Variants in ABCC4 observed in about 807,000 individuals in gnomAD.
The protein encoded by ABCC4 is ATP-binding cassette sub-family C member 4.
A neutral mutation model predicts 168.5 loss-of-function variants in ABCC4; 102 were observed. That is an observed-to-expected ratio of 0.61 (90% CI 0.52 to 0.71). The LOEUF is 0.71. Ranked by LOEUF, ABCC4 falls within the 30% of genes least tolerant of loss-of-function variation. The pLI, the probability that ABCC4 is intolerant of heterozygous loss-of-function variation, is 0.00. For missense variants in ABCC4, 1,402 were observed against 1,605.8 expected (o/e 0.87, Z 2.17); for synonymous variants, 617 against 590.7 (o/e 1.04, Z -0.65).
chr13:95,186,677 T>C (rs1289414063), intron 11 of ABCC4, 24 bp downstream of exon 11: 1 of 1,603,152 alleles, frequency 6.2e-7, no homozygotes, highest in Non-Finnish European at 8.5e-7. Context: ...TTCGAGTACA[T>C]GAAATCCAAA....
At chr13:95,262,681 G>A (rs969922343) in intron 1 of ABCC4, among the ~76,000 whole-genome samples, 1 of 150,484 alleles carries the variant, frequency 6.6e-6, no homozygotes, top group Non-Finnish European at 1.5e-5. Flanking sequence ...TGCCCAGGCT[G>A]GAGTGCTGTG....
chr13:95,276,880 G>A lies in ABCC4; in HGVS notation c.74+24361C>T, dbSNP rs2040985532. On this transcript the variant is annotated intron_variant, in intron 1 of 30. Transcript: ENST00000645237. ...CTAAAAGCACAAACATTAACCGAGTGTGGTGGCACACGCCTGTAGTCCCAG... is the reference window on the plus strand; with the variant it reads ...CTAAAAGCACAAACATTAACCGAGTATGGTGGCACACGCCTGTAGTCCCAG... Among the ~76,000 whole-genome samples the A allele has an allele frequency of 2.0e-5, 3 of 151,808 alleles. No homozygotes were observed. In the South Asian group the frequency reaches 6.2e-4, roughly 32 times the overall value.
rs2033393192 is a variant in ABCC4, at chr13:95,063,836, G to A, written c.3211-977C>T. On this transcript the variant is annotated intron_variant, in intron 25 of 30. Transcript: ENST00000645237. ...AATCTGTATGCAGAAACTGGCCTCT[G>A]CACCAATGACCTTGCACAACTGCAA... Among the ~76,000 whole-genome samples the A allele has an allele frequency of 2.6e-5, 4 of 152,302 alleles. No individual in the cohort carries two copies. The South Asian group carries it at 8.3e-4, about 32-fold the overall frequency.
chr13:95,246,944 A>T (rs562682410), intron 3 of ABCC4, 31 bp downstream of exon 3: 3 of 1,606,678 alleles, frequency 1.9e-6, no homozygotes, highest in Admixed American at 1.7e-5. Context: ...TGTGTCCTGA[A>T]AAACAATTCA....
intron 4 of ABCC4, among the ~76,000 whole-genome samples, chr13:95,217,930 G>T (rs1594319113): frequency 1.3e-5 from 2 of 152,046 alleles, no homozygotes; most frequent in Non-Finnish European, 2.9e-5. Context: ...TGGCTGTCAG[G>T]CTATCAGGTA....
At position 95,268,546 on chromosome 13, in the gene ABCC4, G is replaced by A. The variant is rs140286854; in HGVS notation, c.75-20793C>T. On this transcript the variant is annotated intron_variant, in intron 1 of 30. Transcript: ENST00000645237. ...GTCCCTTGGCCCTTGGCAATGGAAC[G>A]TCTCAGTGTAAAACCCAATTGTATA... is the stretch of plus-strand genomic sequence containing the variant. 5.7e-3 allele frequency among the ~76,000 whole-genome samples: 866 copies of A among 152,216 alleles called. 3 individuals carry two copies. Among genetic ancestry groups the A allele is most frequent in the Non-Finnish European group, 8.4e-3 (574 of 68,010 alleles).
intron 4 of ABCC4, among the ~76,000 whole-genome samples, chr13:95,217,899 C>G (rs2138700659): frequency 6.6e-6 from 1 of 152,258 alleles, no homozygotes; most frequent in Non-Finnish European, 1.5e-5. Context: ...GATTCGGGTA[C>G]TTCCTGATCC....
intron 1 of ABCC4, among the ~76,000 whole-genome samples, chr13:95,256,728 A>G (rs2040401727): frequency 6.6e-6 from 1 of 152,088 alleles, no homozygotes; most frequent in South Asian, 2.1e-4. Flanking sequence ...ATTGCCCTCC[A>G]GCCTGGGTGA....
intron 26 of ABCC4, among the ~76,000 whole-genome samples, chr13:95,061,561 CCT>C (rs770952468): frequency 2.0e-5 from 3 of 150,280 alleles, no homozygotes; most frequent in Non-Finnish European, 3.0e-5. Context: ...GCTCTTGTCT[CCT>C]CTCTGTGTTT....
intron 30 of ABCC4, among the ~76,000 whole-genome samples, chr13:95,022,450 GT>G (rs2031146887): frequency 6.6e-6 from 1 of 152,134 alleles, no homozygotes; most frequent in Non-Finnish European, 1.5e-5. Flanking sequence ...AAGTTTCTCT[GT>G]TCCACAATCA....
At chr13:95,264,386 C>G (rs984887011) in intron 1 of ABCC4, among the ~76,000 whole-genome samples, 2 of 152,142 alleles carry the variant, frequency 1.3e-5, no homozygotes, top group Non-Finnish European at 2.9e-5. Flanking sequence ...CCATAAAACA[C>G]TTACCTAAAA....
chr13:95,247,515 A>C (rs1380608996), intron 2 of ABCC4, 128 bp downstream of exon 2: 1 of 683,818 alleles, frequency 1.5e-6, no homozygotes, highest in African/African-American at 1.8e-5. Context: ...GGGCAGCCTG[A>C]GGAAGGTGAC....
chr13:95,102,062 G>A (rs780239693), intron 20 of ABCC4, among the ~76,000 whole-genome samples: 3 of 152,104 alleles, frequency 2.0e-5, no homozygotes, highest in East Asian at 1.9e-4. Flanking sequence ...GAAGGTAAGC[G>A]GTAGAGCTAG....
At chr13:95,241,089 G>A (rs1220213652) in intron 3 of ABCC4, among the ~76,000 whole-genome samples, 2 of 152,036 alleles carry the variant, frequency 1.3e-5, no homozygotes, top group East Asian at 3.9e-4. Flanking sequence ...CATTGGCCAG[G>A]CACGATGGCT....
chr13:95,084,394 C>CT (rs2034192282), intron 20 of ABCC4, among the ~76,000 whole-genome samples: 1 of 152,270 alleles, frequency 6.6e-6, no homozygotes, highest in Non-Finnish European at 1.5e-5. Context: ...CTGAATTTTT[C>CT]TCTAATTTTT....
At position 95,144,280 on chromosome 13, in the gene ABCC4, T is replaced by C. The variant is rs192108869; in HGVS notation, c.2455+16909A>G. On this transcript the variant is annotated intron_variant, in intron 19 of 30. Coordinates refer to ENST00000645237, the MANE Select transcript of ABCC4 (RefSeq NM_005845.5). The stretch of plus-strand genomic sequence containing the variant: ...CATAAAATATTATACTATATAGGAA[T>C]GGGCGACATAACTTTAGAAAATGCC... Among the ~76,000 whole-genome samples the C allele has an allele frequency of 5.6e-3, 516 of 91,670 alleles. 3 individuals carry two copies. Among genetic ancestry groups the C allele is most frequent in the Middle Eastern group, 0.013 (2 of 152 alleles). 60.1% of individuals were successfully genotyped at this position (91,670 alleles called of 152,430 possible). A position where few individuals can be genotyped will look rare whatever the true frequency, so the allele number is the denominator to read the frequency against.
intron 20 of ABCC4, among the ~76,000 whole-genome samples, chr13:95,101,137 A>G (rs1385842667): frequency 6.6e-6 from 1 of 152,074 alleles, no homozygotes; most frequent in East Asian, 1.9e-4. Context: ...TAGGGAAGAA[A>G]TGACTGAGGA....
intron 29 of ABCC4, among the ~76,000 whole-genome samples, chr13:95,042,518 G>C (rs778003400): frequency 2.4e-4 from 37 of 152,054 alleles, no homozygotes; most frequent in Non-Finnish European, 4.7e-4. Context: ...GGTAGGGAGG[G>C]GCCAACTGTA....
intron 29 of ABCC4, among the ~76,000 whole-genome samples, chr13:95,038,485 AATT>A (rs2032219129): frequency 1.3e-5 from 2 of 152,092 alleles, no homozygotes; most frequent in African/African-American, 4.8e-5. Context: ...CTCTGGCCAA[AATT>A]TCTGAGGAGG....
Sources: allele counts gnomAD v4.1 joint callset (sites outside exome capture counted in the v4.1 genomes callset), GRCh38; gene constraint gnomAD v4.1.1; transcripts MANE v1.5; gene names NCBI Gene and HGNC (gene_info 2026-07-23, HGNC 2026-07-21).